NTRK2: variants seen among roughly 807,000 people sequenced by gnomAD.
NTRK2 encodes neurotrophic receptor tyrosine kinase 2.
A neutral mutation model predicts 94.5 loss-of-function variants in NTRK2; 13 were observed. That is an observed-to-expected ratio of 0.14 (90% CI 0.09 to 0.22). The LOEUF (loss-of-function observed/expected upper bound fraction) is 0.22. Among genes scored for constraint, NTRK2 ranks in the 10% least tolerant of loss-of-function variants. The probability of loss-of-function intolerance (pLI) is 1.00; values close to 1 mark genes in which losing one functional copy is unlikely to be tolerated. For synonymous variants in NTRK2, 372 were observed against 407.4 expected (o/e 0.91, Z 1.05); for missense variants, 639 against 1,071.2 (o/e 0.60, Z 5.63).
At position 84,739,355 on chromosome 9, in the gene NTRK2, C is replaced by A. The variant is rs2063479419; in HGVS notation, c.1160-2537C>A. 2.6e-5 allele frequency among the ~76,000 whole-genome samples: 4 copies of A among 152,300 alleles called. 1 individual carries two copies. The South Asian group carries it at 8.3e-4, about 32-fold the overall frequency. On this transcript the variant is annotated intron_variant, in intron 9 of 18. Coordinates refer to ENST00000277120, the MANE Select transcript of NTRK2 (RefSeq NM_006180.6). ...TGTGAGTCACCACCCCCGGCCCTGG[C>A]CTATTTTTTAGATTATGGGCTAACG...
At chr9:84,846,866 A>G (rs997409778) in intron 12 of NTRK2, among the ~76,000 whole-genome samples, 6 of 152,210 alleles carry the variant, frequency 3.9e-5, no homozygotes, top group African/African-American at 1.2e-4. Context: ...CGTTCCCAGC[A>G]ACTGGAGCTG....
rs150738662 is a variant in NTRK2 at position 84,735,803 on chromosome 9, G to A, written c.1160-6089G>A. 4.8e-3 allele frequency among the ~76,000 whole-genome samples: 730 copies of A among 152,326 alleles called. 10 individuals are homozygous for A. The highest frequency in any genetic ancestry group is 3.4e-3 in the Non-Finnish European group (232 of 68,024). On this transcript the variant is annotated intron_variant, in intron 9 of 18. Coordinates refer to ENST00000277120, the MANE Select transcript of NTRK2 (RefSeq NM_006180.6). ...ATTGATCCACTGTATGTCAGTCATT[G>A]AAATTCAATCCTCCATATAAAAATC...
At chr9:84,719,367 T>A (rs1443146488) in intron 6 of NTRK2, among the ~76,000 whole-genome samples, 1 of 152,156 alleles carries the variant, frequency 6.6e-6, no homozygotes, top group African/African-American at 2.4e-5. Context: ...CAATAAATGA[T>A]AATATTAGTA....
At chr9:84,827,888 G>A (rs376485386) in intron 12 of NTRK2, among the ~76,000 whole-genome samples, 2 of 152,244 alleles carry the variant, frequency 1.3e-5, no homozygotes, top group East Asian at 1.9e-4. Context: ...GTTCTCTCAA[G>A]CTTCCAGAAA....
At chr9:85,003,485 G>A (rs989811121) in intron 17 of NTRK2, among the ~76,000 whole-genome samples, 5 of 152,116 alleles carry the variant, frequency 3.3e-5, no homozygotes, top group African/African-American at 7.2e-5. Flanking sequence ...GAGAGCCAAC[G>A]TGGCTTTCAG....
intron 12 of NTRK2, among the ~76,000 whole-genome samples, chr9:84,804,331 T>TC (rs1214143958): frequency 1.3e-5 from 2 of 152,122 alleles, no homozygotes; most frequent in Admixed American, 6.6e-5. Context: ...GATTTTCATC[T>TC]CCCCCACAAT....
At chr9:84,702,712 A>C (rs1179048120) in intron 4 of NTRK2, among the ~76,000 whole-genome samples, 3 of 152,218 alleles carry the variant, frequency 2.0e-5, no homozygotes, top group Non-Finnish European at 2.9e-5. Context: ...CCTTGCACAG[A>C]GTTCTTGATT....
chr9:84,723,868 A>G (rs1342646864), intron 7 of NTRK2, among the ~76,000 whole-genome samples, 159 bp downstream of exon 7: 2 of 152,218 alleles, frequency 1.3e-5, no homozygotes, highest in Non-Finnish European at 2.9e-5. Context: ...CTTATTCTTA[A>G]TTAATAAAGA....
At chr9:84,687,211 G>A (rs2059772600) in intron 2 of NTRK2, among the ~76,000 whole-genome samples, 1 of 152,088 alleles carries the variant, frequency 6.6e-6, no homozygotes, top group Admixed American at 6.5e-5. Flanking sequence ...CACTGTGCCT[G>A]GTTTTGGAAT....
intron 9 of NTRK2, among the ~76,000 whole-genome samples, chr9:84,730,930 A>AT (rs1005610205): frequency 6.6e-6 from 1 of 151,906 alleles, no homozygotes; most frequent in African/African-American, 2.4e-5. Context: ...TCTCACAAAT[A>AT]TTTTTTATAA....
At chr9:84,819,411 A>G (rs1280888531) in intron 12 of NTRK2, among the ~76,000 whole-genome samples, 3 of 152,210 alleles carry the variant, frequency 2.0e-5, no homozygotes, top group Non-Finnish European at 4.4e-5. Flanking sequence ...CACCTGAACT[A>G]GGACACAGCC....
intron 14 of NTRK2, chr9:84,873,751 A>G: frequency 9.5e-7 from 1 of 1,056,822 alleles, no homozygotes; most frequent in South Asian, 4.6e-5. Context: ...TGTTTTTAGC[A>G]TCTGACCATT....
chr9:84,829,676 AC>A (rs746376271), intron 12 of NTRK2, among the ~76,000 whole-genome samples: 3 of 152,160 alleles, frequency 2.0e-5, no homozygotes, highest in Non-Finnish European at 4.4e-5. Flanking sequence ...AGAGAATCCC[AC>A]CTGCTCCTCG....
At chr9:84,722,991 A>G (rs954114599) in intron 6 of NTRK2, among the ~76,000 whole-genome samples, 1 of 152,242 alleles carries the variant, frequency 6.6e-6, no homozygotes, top group Admixed American at 6.5e-5. Context: ...TAACACTGCA[A>G]TAGTTCAAAC....
intron 17 of NTRK2, among the ~76,000 whole-genome samples, chr9:85,001,889 T>C (rs1306130657): frequency 3.9e-5 from 6 of 152,202 alleles, no homozygotes; most frequent in Middle Eastern, 3.2e-3. Flanking sequence ...AATTTCTGAA[T>C]AGGGCAGGGA....
At chr9:84,710,890 T>C (rs1462319154) in intron 6 of NTRK2, 99 bp downstream of exon 6, 1 of 1,180,898 alleles carries the variant, frequency 8.5e-7, no homozygotes, top group Non-Finnish European at 1.2e-6. Context: ...GGATTGTATA[T>C]AGTATTCTGT....
At position 84,739,354 on chromosome 9, in the gene NTRK2, G is replaced by A. The variant is rs2063479172; in HGVS notation, c.1160-2538G>A. Among the ~76,000 whole-genome samples, 4 of 152,292 alleles carry A rather than the reference G, an allele frequency of 2.6e-5. 1 individual carries two copies. The South Asian group carries it at 8.3e-4, about 32-fold the overall frequency. Reference sequence around the variant, plus strand: ...GTGTGAGTCACCACCCCCGGCCCTGGCCTATTTTTTAGATTATGGGCTAAC... The same window carrying A: ...GTGTGAGTCACCACCCCCGGCCCTGACCTATTTTTTAGATTATGGGCTAAC... On this transcript the variant is annotated intron_variant, in intron 9 of 18. Transcript: ENST00000277120.
chr9:84,758,735 CT>C (rs1332386272), intron 12 of NTRK2, among the ~76,000 whole-genome samples: 1 of 152,102 alleles, frequency 6.6e-6, no homozygotes, highest in Non-Finnish European at 1.5e-5. Context: ...GTAGTCCTCT[CT>C]TTTTCAGAGA....
intron 14 of NTRK2, among the ~76,000 whole-genome samples, chr9:84,913,918 G>A (rs1407805115): frequency 6.6e-6 from 1 of 151,396 alleles, no homozygotes; most frequent in Non-Finnish European, 1.5e-5. Flanking sequence ...CTTTGACTCT[G>A]ATGACATAAA....
Sources: gnomAD v4.1 joint callset for allele counts (sites outside exome capture counted in the v4.1 genomes callset) on GRCh38, gnomAD v4.1.1 for gene constraint, MANE v1.5 for transcripts, NCBI Gene and HGNC (gene_info 2026-07-23, HGNC 2026-07-21) for gene names.